ARHGAP29: variants seen among roughly 807,000 people sequenced by gnomAD.
The protein encoded by ARHGAP29 is rho GTPase-activating protein 29.
A neutral mutation model predicts 122.6 loss-of-function variants in ARHGAP29; 43 were observed. The ratio of observed to expected loss-of-function variants is 0.35; its 90% confidence interval spans 0.27 to 0.45. ARHGAP29 has a LOEUF of 0.45. ARHGAP29 is among the 20% of genes least tolerant of loss of function. The pLI, the probability that ARHGAP29 is intolerant of heterozygous loss-of-function variation, is 1.00. For missense variants in ARHGAP29, 1,303 were observed against 1,477.2 expected (o/e 0.88, Z 1.93); for synonymous variants, 506 against 497.1 (o/e 1.02, Z -0.24).
At chr1:94,260,601 A>G (rs894482510) in intron 1 of ARHGAP29, among the ~76,000 whole-genome samples, 1 of 152,116 alleles carries the variant, frequency 6.6e-6, no homozygotes, top group African/African-American at 2.4e-5. Context: ...TGTCTTGGAG[A>G]GTTTAAATAG....
At chr1:94,202,015 G>T in intron 11 of ARHGAP29, 158 bp from the exon 12 acceptor site, 1 of 699,518 alleles carries the variant, frequency 1.4e-6, no homozygotes, top group Non-Finnish European at 2.2e-6. Context: ...GTGATTCAAA[G>T]GCAGTTGATT....
intron 21 of ARHGAP29, 55 bp from the exon 22 acceptor site, chr1:94,177,775 A>G: frequency 1.3e-6 from 2 of 1,566,112 alleles, no homozygotes; most frequent in Non-Finnish European, 1.7e-6. Context: ...ACCTCAAAAT[A>G]AACAGTTCAA....
intron 12 of ARHGAP29, among the ~76,000 whole-genome samples, chr1:94,201,448 C>T (rs1396458141): frequency 1.3e-5 from 2 of 151,174 alleles, no homozygotes; most frequent in Non-Finnish European, 2.9e-5. Context: ...CTTTCTTTTC[C>T]CTCCCTCCCT....
chr1:94,196,363 G>A (rs945005904), intron 12 of ARHGAP29, among the ~76,000 whole-genome samples: 15 of 137,094 alleles, frequency 1.1e-4, no homozygotes, highest in African/African-American at 3.8e-4. Context: ...CCGGGTTCAC[G>A]CCATTCTCCT....
intron 1 of ARHGAP29, among the ~76,000 whole-genome samples, chr1:94,244,216 C>A (rs555763133): frequency 5.6e-5 from 8 of 142,944 alleles, no homozygotes; most frequent in East Asian, 2.1e-4. Context: ...AAAAAAAAAA[C>A]CACACACAAA....
chr1:94,220,412 T>A lies in ARHGAP29; in HGVS notation c.206-20A>T, dbSNP rs764239717. On this transcript the variant is annotated intron_variant, in intron 2 of 22. Transcript: ENST00000260526. ...AACAGTCTTTAAAAAGAAAAAAAAA[T>A]AATTTATTTCCAGAGCAAAGTTCCA... The A allele has an allele frequency of 1.6e-5, 25 of 1,546,694 alleles. No individual in the cohort carries two copies. Among genetic ancestry groups the A allele is most frequent in the Middle Eastern group, 3.5e-4 (2 of 5,668 alleles).
rs72727422 is a variant in ARHGAP29 at position 94,169,065 on chromosome 1, G to T, written c.*4804C>A. On this transcript the variant is annotated 3_prime_UTR_variant, in exon 23 of 23. Transcript: ENST00000260526. ...TGTTACAGCCAAGACCAAAAAGTGA[G>T]AACCACAATTCAATATTTTCTATAA... Among the ~76,000 whole-genome samples, 8 of 152,242 alleles carry T rather than the reference G, an allele frequency of 5.3e-5. No individual in the cohort carries two copies. Among genetic ancestry groups the T allele is most frequent in the Non-Finnish European group, 1.2e-4 (8 of 68,010 alleles).
chr1:94,291,155 C>T, the ARHGAP29 span, among the ~76,000 whole-genome samples: 3 of 152,236 alleles, frequency 2.0e-5, no homozygotes, highest in South Asian at 2.1e-4. Context: ...TTGAATTGAT[C>T]CCTTTACCAT....
intron 11 of ARHGAP29, chr1:94,202,139 A>G (rs1295073523): frequency 4.6e-6 from 2 of 433,396 alleles, no homozygotes; most frequent in Non-Finnish European, 8.0e-6. Context: ...ATCTTACAGA[A>G]TTTGTTCGTA....
At chr1:94,243,799 G>A (rs1055861269) in intron 1 of ARHGAP29, among the ~76,000 whole-genome samples, 8 of 151,618 alleles carry the variant, frequency 5.3e-5, no homozygotes, top group African/African-American at 1.9e-4. Context: ...GGCTGATCGA[G>A]AAATAGAGAA....
chr1:94,302,497 C>T, the ARHGAP29 span: 1 of 348,164 alleles, frequency 2.9e-6, no homozygotes, highest in Non-Finnish European at 5.6e-6. Context: ...AACCTCCTGG[C>T]CAAGGTCATC....
Position 94,185,445 on chromosome 1 carries a change from A to T in ARHGAP29, c.1817T>A (p.Met606Lys), listed in dbSNP as rs1467484478. The T allele has an allele frequency of 6.2e-7, 1 of 1,611,452 alleles. No homozygotes were observed. The highest frequency in any genetic ancestry group is 8.5e-7 in the Non-Finnish European group (1 of 1,179,170). Residue 606 changes from methionine (M) to lysine (K), a missense_variant, in exon 17 of 23, where the codon ATG becomes AAG. Physicochemically the swap from Met to Lys is moderately conservative, Grantham distance 95 (BLOSUM62 -1). Around this residue, in one of 3 missense-constraint regions of ARHGAP29, gnomAD observed 91 missense variants for 177.8 expected, o/e 0.51. Transcript: ENST00000260526. ...CTTGTGTGTGAGAGCTGCCTTTGAC[A>T]TCAATGTTTTCTTAAATGTTCCAAG... is the stretch of plus-strand genomic sequence containing the variant. ...NSLGTFKKTL[M>K]SKAALTHKFR...
the ARHGAP29 span, among the ~76,000 whole-genome samples, chr1:94,307,224 C>T: frequency 6.6e-6 from 1 of 152,176 alleles, no homozygotes; most frequent in Non-Finnish European, 1.5e-5. Context: ...ATGAAAATCA[C>T]CTAAACTGCA....
chr1:94,293,094 G>A, the ARHGAP29 span, among the ~76,000 whole-genome samples: 1 of 152,270 alleles, frequency 6.6e-6, no homozygotes, highest in Admixed American at 6.5e-5. Flanking sequence ...AGTAGGCCTT[G>A]CTGAGCTGTG....
At chr1:94,198,682 GACCTAA>G (rs1364246369) in intron 12 of ARHGAP29, among the ~76,000 whole-genome samples, 4 of 151,874 alleles carry the variant, frequency 2.6e-5, no homozygotes, top group Admixed American at 2.6e-4. Flanking sequence ...CTTAATCAAA[GACCTAA>G]GTAGTTGGAG....
chr1:94,289,879 C>A, the ARHGAP29 span, among the ~76,000 whole-genome samples: 1 of 152,164 alleles, frequency 6.6e-6, no homozygotes, highest in Non-Finnish European at 1.5e-5. Flanking sequence ...TGATGTCCTG[C>A]TGGATTCAGT....
At chr1:94,250,888 C>G (rs947265424) in intron 1 of ARHGAP29, among the ~76,000 whole-genome samples, 5 of 152,090 alleles carry the variant, frequency 3.3e-5, no homozygotes, top group African/African-American at 1.2e-4. Context: ...CCATCACATA[C>G]CATAACCCTA....
At chr1:94,273,484 T>C (rs911112522) in intron 1 of ARHGAP29, among the ~76,000 whole-genome samples, 3 of 152,210 alleles carry the variant, frequency 2.0e-5, no homozygotes, top group Non-Finnish European at 4.4e-5. Flanking sequence ...CCATTTGATA[T>C]TTTCAGTGTT....
Position 94,173,730 on chromosome 1 carries a change from A to G in ARHGAP29, c.*139T>C. Reference sequence around the variant, plus strand: ...CCATTCAGTATTACCAACAGAGGATAAATACAACAACAAAAGGCAAAACCC... The same window carrying G: ...CCATTCAGTATTACCAACAGAGGATGAATACAACAACAAAAGGCAAAACCC... On this transcript the variant is annotated 3_prime_UTR_variant, in exon 23 of 23. Coordinates refer to ENST00000260526, the MANE Select transcript of ARHGAP29 (RefSeq NM_004815.4). 9.8e-7 allele frequency: 1 copy of G among 1,018,998 alleles called. No individual in the cohort carries two copies. The highest frequency in any genetic ancestry group is 1.4e-6 in the Non-Finnish European group (1 of 700,266). 63.1% of individuals were successfully genotyped at this position (1,018,998 alleles called of 1,614,324 possible). A position where few individuals can be genotyped will look rare whatever the true frequency, so the allele number is the denominator to read the frequency against.
Sources: gnomAD v4.1 joint callset for allele counts (sites outside exome capture counted in the v4.1 genomes callset) on GRCh38, gnomAD v4.1.1 for gene constraint, gnomAD v4.1.1 regional missense constraint, MANE v1.5 for transcripts, NCBI Gene and HGNC (gene_info 2026-07-23, HGNC 2026-07-21) for gene names.